ASPRV1: variants seen among roughly 807,000 people sequenced by gnomAD.
ASPRV1 encodes the protein aspartic peptidase retroviral like 1, also known as retroviral-like aspartic protease 1.
In ASPRV1, 7 loss-of-function variants were observed where a neutral mutation model predicts 11.0. The observed-to-expected ratio is 0.64, with a 90% CI of 0.36 to 1.20. The LOEUF (loss-of-function observed/expected upper bound fraction) is 1.20, where lower values mean the gene tolerates loss of function less well. ASPRV1 is among the 50% of genes most tolerant of loss of function. The pLI, the probability that ASPRV1 is intolerant of heterozygous loss-of-function variation, is 0.02. For synonymous variants in ASPRV1, 136 were observed against 138.4 expected, an observed-to-expected ratio of 0.98 and a Z score of 0.12; for missense variants, 299 against 320.0, an observed-to-expected ratio of 0.93 and a Z score of 0.50.
the ASPRV1 span, among the ~76,000 whole-genome samples, chr2:69,935,884 C>A: frequency 4.4e-4 from 67 of 152,206 alleles, no homozygotes; most frequent in Non-Finnish European, 8.1e-4. Flanking sequence ...AACAGTCCTT[C>A]CAAGGTGCAA....
downstream of ASPRV1, among the ~76,000 whole-genome samples, chr2:69,959,050 G>A (rs1032846315): frequency 2.6e-5 from 4 of 152,148 alleles, no homozygotes; most frequent in East Asian, 3.9e-4. Flanking sequence ...AGCTGGAATC[G>A]GAGGGAAGAA....
chr2:70,068,464 G>C, the ASPRV1 span, among the ~76,000 whole-genome samples: 1 of 152,202 alleles, frequency 6.6e-6, no homozygotes, highest in East Asian at 1.9e-4. Context: ...TGTGAGTCTG[G>C]CTGGAGAACG....
chr2:69,984,777 C>T, the ASPRV1 span, among the ~76,000 whole-genome samples: 112 of 151,654 alleles, frequency 7.4e-4, no homozygotes, highest in African/African-American at 2.4e-3. Flanking sequence ...CCTGGCACCA[C>T]GCCCAGTTTT....
chr2:70,084,595 T>C, the ASPRV1 span, among the ~76,000 whole-genome samples: 3 of 152,258 alleles, frequency 2.0e-5, no homozygotes, highest in Non-Finnish European at 4.4e-5. Flanking sequence ...TCACAACTTA[T>C]TAATGGGTTT....
chr2:69,982,012 C>T, the ASPRV1 span, among the ~76,000 whole-genome samples: 19 of 151,302 alleles, frequency 1.3e-4, no homozygotes, highest in African/African-American at 3.9e-4. Flanking sequence ...CTACGGGCTC[C>T]TTCCTCTCTC....
rs972873531 is a variant in ASPRV1 at position 69,960,493 on chromosome 2, C to T, written c.*164G>A. Reference sequence around the variant, plus strand: ...CCTGTTCAGTGGAAGCCTCCCCTACCAGGGGCAGATTAAGGCCCCTGCAGA... The same window carrying T: ...CCTGTTCAGTGGAAGCCTCCCCTACTAGGGGCAGATTAAGGCCCCTGCAGA... On this transcript the variant is annotated 3_prime_UTR_variant, in exon 1 of 1. Transcript: ENST00000320256. 1.4e-6 allele frequency: 1 copy of T among 727,178 alleles called. No individual in the cohort carries two copies. Among genetic ancestry groups the T allele is most frequent in the Admixed American group, 2.9e-5 (1 of 34,234 alleles). The allele number at this position is 727,178 out of a possible 1,614,324, so 45.0% of individuals were successfully genotyped here.
the ASPRV1 span, among the ~76,000 whole-genome samples, chr2:69,983,736 T>C: frequency 6.6e-6 from 1 of 152,168 alleles, no homozygotes; most frequent in Non-Finnish European, 1.5e-5. Flanking sequence ...TCATGTGCGG[T>C]GGTCAACAGT....
At chr2:69,936,196 G>A in the ASPRV1 span, among the ~76,000 whole-genome samples, 6 of 152,074 alleles carry the variant, frequency 3.9e-5, no homozygotes, top group African/African-American at 1.2e-4. Flanking sequence ...ATCCTTCGCT[G>A]ACTTTCCCAA....
chr2:70,070,422 C>T, the ASPRV1 span: 1 of 152,054 alleles, frequency 6.6e-6, no homozygotes, highest in African/African-American at 2.4e-5. Context: ...ATCATTCATA[C>T]ACGAAGGTTA....
the ASPRV1 span, among the ~76,000 whole-genome samples, chr2:69,998,451 TC>T: frequency 1.3e-5 from 2 of 152,022 alleles, no homozygotes; most frequent in Non-Finnish European, 2.9e-5. Context: ...TGTGAAGAAT[TC>T]TTTCTGGTGC....
At chr2:70,040,731 G>C in the ASPRV1 span, among the ~76,000 whole-genome samples, 1 of 152,078 alleles carries the variant, frequency 6.6e-6, no homozygotes, top group Non-Finnish European at 1.5e-5. Flanking sequence ...CTACTCGGGA[G>C]GCTGAGGCAG....
the ASPRV1 span, among the ~76,000 whole-genome samples, chr2:70,037,819 CATTT>C: frequency 5.3e-5 from 8 of 152,092 alleles, no homozygotes; most frequent in Admixed American, 3.9e-4. Flanking sequence ...TCTTCTAGTA[CATTT>C]ATTACTTTAG....
chr2:70,079,115 C>G, the ASPRV1 span, among the ~76,000 whole-genome samples: 2 of 152,134 alleles, frequency 1.3e-5, no homozygotes, highest in African/African-American at 4.8e-5. Flanking sequence ...AGGAGATGTT[C>G]TGAAGTTTTT....
chr2:70,016,345 T>C, the ASPRV1 span: 2 of 152,148 alleles, frequency 1.3e-5, no homozygotes, highest in African/African-American at 2.4e-5. Flanking sequence ...AAGAAAATTA[T>C]AGACCAATGG....
the ASPRV1 span, chr2:69,942,245 CT>C: frequency 6.6e-6 from 1 of 152,206 alleles, no homozygotes; most frequent in Non-Finnish European, 1.5e-5. Context: ...CCCAAAGACC[CT>C]TTTCGATGAG....
the ASPRV1 span, among the ~76,000 whole-genome samples, chr2:70,053,465 T>G: frequency 2.0e-5 from 3 of 152,288 alleles, no homozygotes; most frequent in Admixed American, 1.3e-4. Context: ...GGACACCAAC[T>G]ATAAGCCAGG....
At chr2:70,076,462 G>A in the ASPRV1 span, among the ~76,000 whole-genome samples, 1 of 152,182 alleles carries the variant, frequency 6.6e-6, no homozygotes, top group South Asian at 2.1e-4. Flanking sequence ...TATGTGCCAA[G>A]CACTATGCTA....
the ASPRV1 span, among the ~76,000 whole-genome samples, chr2:70,067,888 A>AT: frequency 5.3e-4 from 80 of 152,348 alleles, no homozygotes; most frequent in African/African-American, 1.8e-3. Context: ...TGTAAATTAA[A>AT]TAATTTTTCA....
At chr2:69,958,694 G>A (rs906782676), downstream of ASPRV1, among the ~76,000 whole-genome samples, 6 of 152,144 alleles carry the variant, frequency 3.9e-5, no homozygotes, top group Non-Finnish European at 7.4e-5. Flanking sequence ...GAGAGGGCTC[G>A]GCCCATGAGA....
Sources: allele counts gnomAD v4.1 joint callset (sites outside exome capture counted in the v4.1 genomes callset), GRCh38; gene constraint gnomAD v4.1.1; transcripts MANE v1.5; gene names NCBI Gene and HGNC (gene_info 2026-07-23, HGNC 2026-07-21).